The following ACACA variants were observed in gnomAD, a reference collection of about 807,000 sequenced individuals.
The protein encoded by ACACA is acetyl-CoA carboxylase alpha.
ACACA carries 103 observed loss-of-function variants against 296.1 expected under a neutral mutation model. The observed-to-expected ratio is 0.35, with a 90% CI of 0.30 to 0.41. The LOEUF is 0.41. ACACA is among the 10% of genes least tolerant of loss of function. The pLI, the probability that ACACA is intolerant of heterozygous loss-of-function variation, is 1.00. For missense variants in ACACA, 1,554 were observed against 2,989.7 expected, an observed-to-expected ratio of 0.52 and a Z score of 11.20; for synonymous variants, 953 against 1,038.6, an observed-to-expected ratio of 0.92 and a Z score of 1.58.
intron 33 of ACACA, among the ~76,000 whole-genome samples, chr17:37,204,556 T>C (rs2078413322): frequency 6.6e-6 from 1 of 152,166 alleles, no homozygotes; most frequent in Non-Finnish European, 1.5e-5. Flanking sequence ...GGCATTATTA[T>C]TGCTAATAAA....
chr17:37,189,336 G>C (rs374124492), intron 38 of ACACA, among the ~76,000 whole-genome samples: 3 of 152,230 alleles, frequency 2.0e-5, no homozygotes, highest in East Asian at 3.9e-4. Flanking sequence ...CAACTTCTTA[G>C]AAAATCTCAA....
chr17:37,318,433 G>A (rs1159042601), intron 3 of ACACA, among the ~76,000 whole-genome samples: 2 of 152,154 alleles, frequency 1.3e-5, no homozygotes, highest in East Asian at 3.9e-4. Flanking sequence ...TAGAGACAAG[G>A]TTTCGCCATG....
chr17:37,252,207 A>G, intron 15 of ACACA, 99 bp from the exon 16 acceptor site: 12 of 927,328 alleles, frequency 1.3e-5, no homozygotes, highest in Non-Finnish European at 1.9e-5. Flanking sequence ...TGAAACAGCT[A>G]GCAATGAAAA....
In ACACA at chr17:37,258,241, C is replaced by G; in HGVS notation, c.1633G>C (p.Ala545Pro). The change falls in exon 13 of 56, where the codon GCT (alanine) becomes CCT (proline). Residue 545 changes from alanine to proline, a missense_variant. Transcript: ENST00000616317. ...VPCPRGHVIA[A>P]RITSENPDEG... ...TCTGGATTTTCACTAGTGATCCGAG[C>G]AGCAATAACATGGCCCCTTGGACAA... 1 of 1,614,118 alleles carries G rather than the reference C, an allele frequency of 6.2e-7. No individual in the cohort carries two copies. Among genetic ancestry groups the G allele is most frequent in the Non-Finnish European group, 8.5e-7 (1 of 1,180,016 alleles).
chr17:37,098,500 C>T (rs1263767723), intron 52 of ACACA, among the ~76,000 whole-genome samples: 1 of 152,222 alleles, frequency 6.6e-6, no homozygotes, highest in East Asian at 1.9e-4. Flanking sequence ...TGGCAAGGAC[C>T]TGAATAACTC....
Position 37,086,875 on chromosome 17 carries a change from C to T in ACACA, c.*441G>A, listed in dbSNP as rs2072236773. 1 of 267,502 alleles carries T rather than the reference C, an allele frequency of 3.7e-6. No individual in the cohort carries two copies. Among genetic ancestry groups the T allele is most frequent in the South Asian group, 4.7e-5 (1 of 21,366 alleles). 16.6% of individuals were successfully genotyped at this position (267,502 alleles called of 1,614,324 possible). A position where few individuals can be genotyped will look rare whatever the true frequency, so the allele number is the denominator to read the frequency against. ...TTGAGGCTTCCTCCTCTCCTTAGCCCTCCTCTGCTGCCTGTGGCTGCGGCT... is the reference window on the plus strand; with the variant it reads ...TTGAGGCTTCCTCCTCTCCTTAGCCTTCCTCTGCTGCCTGTGGCTGCGGCT... On this transcript the variant is annotated 3_prime_UTR_variant, in exon 56 of 56. Transcript: ENST00000616317.
chr17:37,363,078 C>G (rs1219741739), intron 1 of ACACA, among the ~76,000 whole-genome samples: 1 of 150,184 alleles, frequency 6.7e-6, no homozygotes, highest in Non-Finnish European at 1.5e-5. Flanking sequence ...GCCTCAACTC[C>G]TGGGCTCAAG....
At chr17:37,126,843 G>A (rs935727693) in intron 47 of ACACA, among the ~76,000 whole-genome samples, 10 of 152,182 alleles carry the variant, frequency 6.6e-5, no homozygotes, top group Admixed American at 2.6e-4. Context: ...AAAGCCGATC[G>A]TTTAGATTCT....
chr17:37,339,207 C>G (rs1597642949), intron 2 of ACACA, among the ~76,000 whole-genome samples: 1 of 152,210 alleles, frequency 6.6e-6, no homozygotes, highest in Admixed American at 6.5e-5. Flanking sequence ...AGTAAGAAAG[C>G]AAGGCACTCA....
At position 37,161,891 on chromosome 17, in the gene ACACA, C is replaced by T; in HGVS notation, c.5239G>A (p.Gly1747Ser). The change falls in exon 42 of 56, where the codon GGT becomes AGT. Residue 1747 changes from glycine to serine, a missense_variant. Gly to Ser is a moderately conservative substitution (Grantham distance 56). Around this residue, in one of 16 missense-constraint regions of ACACA, gnomAD observed 553 missense variants for 1,043.6 expected, o/e 0.53. Coordinates refer to ENST00000616317, the MANE Select transcript of ACACA (RefSeq NM_198834.3). ...GCTGATACATAGATGCGTGGAATAC[C>T]TTCTGCCCTAGCAAGTTCGGAAGCT... The part of the protein sequence containing the change: ...LRASELARAE[G>S]IPRIYVSANS... 3.7e-6 allele frequency: 6 copies of T among 1,614,172 alleles called. No homozygotes were observed. The highest frequency in any genetic ancestry group is 4.2e-6 in the Non-Finnish European group (5 of 1,180,022).
intron 1 of ACACA, among the ~76,000 whole-genome samples, chr17:37,363,185 T>TC (rs1568056592): frequency 8.3e-6 from 1 of 120,706 alleles, no homozygotes. Flanking sequence ...TTTTCTTTTT[T>TC]TTTTTTTTTT....
chr17:37,166,571 A>G (rs1447296072), intron 41 of ACACA, among the ~76,000 whole-genome samples: 1 of 152,262 alleles, frequency 6.6e-6, no homozygotes, highest in Non-Finnish European at 1.5e-5. Flanking sequence ...AACAATAGCT[A>G]TCATAATAAC....
chr17:37,225,810 G>A (rs1229310659), intron 26 of ACACA, among the ~76,000 whole-genome samples: 1 of 152,220 alleles, frequency 6.6e-6, no homozygotes, highest in African/African-American at 2.4e-5. Context: ...AACACAAAGG[G>A]AGTGCCAACT....
At chr17:37,376,301 G>C (rs2050000055) in intron 1 of ACACA, among the ~76,000 whole-genome samples, 1 of 152,160 alleles carries the variant, frequency 6.6e-6, no homozygotes, top group East Asian at 1.9e-4. Context: ...CCTCTAAGAA[G>C]GACTGCAACT....
chr17:37,146,344 T>C (rs1271270118), intron 45 of ACACA, among the ~76,000 whole-genome samples: 1 of 151,798 alleles, frequency 6.6e-6, no homozygotes, highest in African/African-American at 2.4e-5. Context: ...GAAGAAACAA[T>C]TTACAGGTTG....
chr17:37,209,738 T>C (rs2078665586), intron 30 of ACACA, among the ~76,000 whole-genome samples: 1 of 152,220 alleles, frequency 6.6e-6, no homozygotes. Flanking sequence ...GCCATCAACT[T>C]ACTATTGCTT....
intron 35 of ACACA, among the ~76,000 whole-genome samples, chr17:37,197,742 C>A (rs1405951590): frequency 6.6e-6 from 1 of 152,242 alleles, no homozygotes; most frequent in African/African-American, 2.4e-5. Context: ...GGATGGAGTT[C>A]GGTTTAATAG....
At chr17:37,297,820 G>T (rs546772916) in intron 3 of ACACA, among the ~76,000 whole-genome samples, 15 of 151,716 alleles carry the variant, frequency 9.9e-5, no homozygotes, top group Non-Finnish European at 1.9e-4. Flanking sequence ...CAAAGTACTG[G>T]GATTACAGGC....
chr17:37,332,074 T>C (rs2047909920), intron 2 of ACACA, among the ~76,000 whole-genome samples: 2 of 152,214 alleles, frequency 1.3e-5, no homozygotes, highest in South Asian at 4.1e-4. Context: ...ATAATTTTTC[T>C]AAATGTAGGG....
Sources: allele counts gnomAD v4.1 joint callset (sites outside exome capture counted in the v4.1 genomes callset), GRCh38; gene constraint gnomAD v4.1.1; regional missense constraint gnomAD v4.1.1; transcripts MANE v1.5; gene names NCBI Gene and HGNC (gene_info 2026-07-23, HGNC 2026-07-21).